The following FBLN1 variants were observed in gnomAD, a reference collection of about 807,000 sequenced individuals.
FBLN1 encodes fibulin 1.
FBLN1 carries 34 observed loss-of-function variants against 89.7 expected under a neutral mutation model. That is an observed-to-expected ratio of 0.38 (90% CI 0.29 to 0.50). FBLN1 has a LOEUF of 0.50. Ranked by LOEUF, FBLN1 falls within the 20% of genes least tolerant of loss-of-function variation. FBLN1 has a pLI of 0.92. For missense variants in FBLN1, 777 were observed against 988.1 expected, an observed-to-expected ratio of 0.79 and a Z score of 2.86; for synonymous variants, 393 against 391.3, an observed-to-expected ratio of 1.00 and a Z score of -0.05.
chr22:45,584,945 C>T (rs1019903232), intron 16 of FBLN1, among the ~76,000 whole-genome samples: 1 of 152,236 alleles, frequency 6.6e-6, no homozygotes, highest in East Asian at 1.9e-4. Context: ...TCCTGGGGTA[C>T]TTTTCTATGC....
In FBLN1 at chr22:45,531,236, A is replaced by T; in HGVS notation, c.485-29A>T. 1 of 1,606,056 alleles carries T rather than the reference A, an allele frequency of 6.2e-7. No individual in the cohort carries two copies. Among genetic ancestry groups the T allele is most frequent in the Non-Finnish European group, 8.5e-7 (1 of 1,172,628 alleles). On this transcript the variant is annotated intron_variant, in intron 4 of 16. Coordinates refer to ENST00000327858, the MANE Select transcript of FBLN1 (RefSeq NM_006486.3). This position sits in a 1 kb window ranked among gnomAD's most constrained non-coding sequence, Gnocchi z 4.9. ...TAAGATAAGATGGGTGTTTGGATAAATGTCTGACTTGGTCTTTTTCCCCCT... is the reference window on the plus strand; with the variant it reads ...TAAGATAAGATGGGTGTTTGGATAATTGTCTGACTTGGTCTTTTTCCCCCT...
chr22:45,531,386 G>A lies in FBLN1; in HGVS notation c.544+62G>A. 6.9e-7 allele frequency: 1 copy of A among 1,442,290 alleles called. No homozygotes were observed. Among genetic ancestry groups the A allele is most frequent in the South Asian group, 1.1e-5 (1 of 87,390 alleles). 89.3% of individuals were successfully genotyped at this position (1,442,290 alleles called of 1,614,324 possible). A position where few individuals can be genotyped will look rare whatever the true frequency, so the allele number is the denominator to read the frequency against. On this transcript the variant is annotated intron_variant, in intron 5 of 16. Coordinates refer to ENST00000327858, the MANE Select transcript of FBLN1 (RefSeq NM_006486.3). The surrounding 1 kb of genome is among the most constrained non-coding windows in gnomAD (Gnocchi z 4.9). ...ACAAACCCCAAGGGGCCAGCAAGGT[G>A]GCTCAGGCCTGTAATCCTAGTACTT...
intron 14 of FBLN1, among the ~76,000 whole-genome samples, chr22:45,553,411 A>G (rs6007088): frequency 0.92 from 139,961 of 152,292 alleles, 64,350 homozygotes; most frequent in Non-Finnish European, 0.92. Context: ...GGGCTCGCCT[A>G]TGCCCTGCTC....
At position 45,574,380 on chromosome 22, in the gene FBLN1, T is replaced by G; in HGVS notation, c.1698-131T>G. 5.2e-6 allele frequency: 5 copies of G among 965,466 alleles called. No individual in the cohort carries two copies. Among genetic ancestry groups the G allele is most frequent in the Non-Finnish European group, 8.0e-6 (5 of 623,500 alleles). The allele number at this position is 965,466 out of a possible 1,614,324, so 59.8% of individuals were successfully genotyped here. A position where few individuals can be genotyped will look rare whatever the true frequency, so the allele number is the denominator to read the frequency against. Reference sequence around the variant, plus strand: ...GCCAGGCTGCAGAGACCACTGTCGTTCTCTGATGGAGCTGTCTCTGGGACA... The same window carrying G: ...GCCAGGCTGCAGAGACCACTGTCGTGCTCTGATGGAGCTGTCTCTGGGACA... On this transcript the variant is annotated intron_variant, in intron 14 of 16. Coordinates refer to ENST00000327858, the MANE Select transcript of FBLN1 (RefSeq NM_006486.3). This position sits in a 1 kb window ranked among gnomAD's most constrained non-coding sequence, Gnocchi z 4.1.
intron 2 of FBLN1, among the ~76,000 whole-genome samples, 174 bp downstream of exon 2, chr22:45,518,961 C>T (rs1261110693): frequency 6.6e-6 from 1 of 152,218 alleles, no homozygotes; most frequent in Non-Finnish European, 1.5e-5. Context: ...TGGCACCGGC[C>T]TGGCACCGGG....
chr22:45,520,365 T>C (rs1020056218), intron 2 of FBLN1, among the ~76,000 whole-genome samples: 7 of 152,182 alleles, frequency 4.6e-5, no homozygotes, highest in African/African-American at 1.2e-4. Flanking sequence ...CTTCTGAGGC[T>C]CCTCTCCTGG....
chr22:45,588,169 C>T lies in FBLN1; in HGVS notation c.1972+11061C>T, dbSNP rs1303390159. Among the ~76,000 whole-genome samples the T allele has an allele frequency of 6.6e-6, 1 of 152,110 alleles. No individual in the cohort carries two copies. The highest frequency in any genetic ancestry group is 2.4e-5 in the African/African-American group (1 of 41,438). ...GGCGGGGTGCAGCATGGCGGTACAG[C>T]TTTAAATCTGGTGGTCAGTGACATT... is the stretch of plus-strand genomic sequence containing the variant. On this transcript the variant is annotated intron_variant, in intron 16 of 16. Transcript: ENST00000327858. The surrounding 1 kb of genome is among the most constrained non-coding windows in gnomAD (Gnocchi z 5.1).
intron 1 of FBLN1, among the ~76,000 whole-genome samples, chr22:45,508,356 G>A (rs943598454): frequency 1.4e-5 from 2 of 144,120 alleles, no homozygotes; most frequent in Non-Finnish European, 3.0e-5. Context: ...CTGCCTCCCA[G>A]GTTCAAGCAA....
rs1407218909 is a variant in FBLN1 at position 45,556,801 on chromosome 22, T to A, written c.1697+6186T>A. 6.6e-6 allele frequency among the ~76,000 whole-genome samples: 1 copy of A among 152,026 alleles called. No individual in the cohort carries two copies. The highest frequency in any genetic ancestry group is 1.5e-5 in the Non-Finnish European group (1 of 67,990). On this transcript the variant is annotated intron_variant, in intron 14 of 16. Transcript: ENST00000327858. This position sits in a 1 kb window ranked among gnomAD's most constrained non-coding sequence, Gnocchi z 4.6. ...TTGTTCTGTCTCCTGGTGGCGGCGTTCCTCCCTCTGGAACTAAGACCTCTA... is the reference window on the plus strand; with the variant it reads ...TTGTTCTGTCTCCTGGTGGCGGCGTACCTCCCTCTGGAACTAAGACCTCTA...
intron 1 of FBLN1, among the ~76,000 whole-genome samples, chr22:45,507,139 C>A (rs867279777): frequency 1.4e-4 from 21 of 152,124 alleles, no homozygotes; most frequent in African/African-American, 4.3e-4. Context: ...CCACAAGTCA[C>A]CCAGCGAGGA....
intron 1 of FBLN1, among the ~76,000 whole-genome samples, chr22:45,506,080 A>G (rs1432137318): frequency 6.6e-6 from 1 of 152,152 alleles, no homozygotes; most frequent in Non-Finnish European, 1.5e-5. Context: ...CAGCCCTGTT[A>G]TTAATGTTAG....
intron 16 of FBLN1, among the ~76,000 whole-genome samples, chr22:45,598,691 T>C (rs1474382577): frequency 2.0e-5 from 3 of 152,188 alleles, no homozygotes; most frequent in African/African-American, 7.2e-5. Context: ...ATCCTGTTCA[T>C]GATGTCTGGA....
Position 45,599,916 on chromosome 22 carries a change from G to A in FBLN1, c.1973-391G>A, listed in dbSNP as rs559333166. Among the ~76,000 whole-genome samples, 9 of 152,206 alleles carry A rather than the reference G, an allele frequency of 5.9e-5. 1 individual carries two copies. The South Asian group carries it at 8.3e-4, about 14-fold the overall frequency. ...TGGGCAACAAGAGTGAAACTCCGTC[G>A]CAAAAACAAAAGACAAACAAAAAAC... On this transcript the variant is annotated intron_variant, in intron 16 of 16. Transcript: ENST00000327858.
rs2088568605 is a variant in FBLN1 at position 45,542,343 on chromosome 22, T to A, written c.1195+60T>A. The stretch of plus-strand genomic sequence containing the variant: ...CAGCCACGTGGCACCAGGGACACAT[T>A]TCTGTGGCACCTCGAGTGATGTGGT... On this transcript the variant is annotated intron_variant, in intron 10 of 16. Coordinates refer to ENST00000327858, the MANE Select transcript of FBLN1 (RefSeq NM_006486.3). 1.9e-6 allele frequency: 3 copies of A among 1,606,674 alleles called. No homozygotes were observed. The East Asian group carries it at 6.7e-5, about 36-fold the overall frequency.
chr22:45,541,430 C>T (rs753053370), intron 9 of FBLN1, 58 bp downstream of exon 9: 25 of 1,603,468 alleles, frequency 1.6e-5, no homozygotes, highest in Non-Finnish European at 2.0e-5. Context: ...CAGCATGCAC[C>T]CTGCCTTCTC....
intron 14 of FBLN1, among the ~76,000 whole-genome samples, chr22:45,559,250 G>C (rs2088824660): frequency 6.6e-6 from 1 of 152,110 alleles, no homozygotes; most frequent in African/African-American, 2.4e-5. Context: ...GCTGCAAATT[G>C]GAGTCACCAC....
rs1317351356 is a variant in FBLN1 at position 45,600,881 on chromosome 22, G to C, written c.*435G>C. 18 of 286,236 alleles carry C rather than the reference G, an allele frequency of 6.3e-5. No individual in the cohort carries two copies. The highest frequency in any genetic ancestry group is 1.2e-4 in the Non-Finnish European group (18 of 148,370). 17.7% of individuals were successfully genotyped at this position (286,236 alleles called of 1,614,324 possible). A position where few individuals can be genotyped will look rare whatever the true frequency, so the allele number is the denominator to read the frequency against. On this transcript the variant is annotated 3_prime_UTR_variant, in exon 17 of 17. Coordinates refer to ENST00000327858, the MANE Select transcript of FBLN1 (RefSeq NM_006486.3). The stretch of plus-strand genomic sequence containing the variant: ...AGATTTTCTATGTTCTAAGGACATG[G>C]CTGCTGTAGAATAGCACAGACGTGG...
chr22:45,558,303 A>G, intron 14 of FBLN1: 1 of 434,192 alleles, frequency 2.3e-6, no homozygotes. Flanking sequence ...AGTTCATGAT[A>G]GGCAGTTCAG....
intron 1 of FBLN1, among the ~76,000 whole-genome samples, chr22:45,507,903 C>T (rs528538398): frequency 1.3e-5 from 2 of 152,222 alleles, no homozygotes; most frequent in Admixed American, 6.5e-5. Context: ...GTATGAAGCC[C>T]GGCTTCTTGT....
Sources: gnomAD v4.1 joint callset for allele counts (sites outside exome capture counted in the v4.1 genomes callset) on GRCh38, gnomAD v4.1.1 for gene constraint, Gnocchi (gnomAD v3.1) non-coding constraint, MANE v1.5 for transcripts, NCBI Gene and HGNC (gene_info 2026-07-23, HGNC 2026-07-21) for gene names.